Variants in TLN2 observed in about 807,000 individuals in gnomAD.
The protein encoded by TLN2 is talin-2.
A neutral mutation model predicts 294.7 loss-of-function variants in TLN2; 118 were observed. The observed-to-expected ratio is 0.40, with a 90% CI of 0.34 to 0.47. The LOEUF (loss-of-function observed/expected upper bound fraction) is 0.47. Ranked by LOEUF, TLN2 falls within the 20% of genes least tolerant of loss-of-function variation. The probability of loss-of-function intolerance (pLI) is 0.84; values close to 1 mark genes in which losing one functional copy is unlikely to be tolerated. For missense variants in TLN2, 3,083 were observed against 3,282.2 expected, an observed-to-expected ratio of 0.94 and a Z score of 1.48; for synonymous variants, 1,431 against 1,304.5, an observed-to-expected ratio of 1.10 and a Z score of -2.09.
intron 2 of TLN2, among the ~76,000 whole-genome samples, chr15:62,611,967 T>C (rs1301114378): frequency 6.6e-6 from 1 of 152,218 alleles, no homozygotes; most frequent in African/African-American, 2.4e-5. Context: ...GGTGTATAAT[T>C]ACTATATGAG....
chr15:62,404,281 A>G (rs1032258043), intron 1 of TLN2, among the ~76,000 whole-genome samples: 2 of 152,204 alleles, frequency 1.3e-5, no homozygotes, highest in African/African-American at 4.8e-5. Context: ...TGCAGTTCTC[A>G]TCTTTATCTC....
At chr15:62,504,993 G>C (rs984633749) in intron 1 of TLN2, among the ~76,000 whole-genome samples, 1 of 152,100 alleles carries the variant, frequency 6.6e-6, no homozygotes, top group African/African-American at 2.4e-5. Flanking sequence ...GTCTCACTCT[G>C]TTCCCCAGGC....
intron 52 of TLN2, among the ~76,000 whole-genome samples, chr15:62,818,279 T>C (rs2067274370): frequency 6.6e-6 from 1 of 152,244 alleles, no homozygotes; most frequent in African/African-American, 2.4e-5. Flanking sequence ...TGTGCAGAGA[T>C]AGACAGCAGT....
intron 1 of TLN2, among the ~76,000 whole-genome samples, chr15:62,462,314 G>A (rs2036854100): frequency 6.6e-6 from 1 of 152,126 alleles, no homozygotes; most frequent in Non-Finnish European, 1.5e-5. Context: ...ACCAGTGTGG[G>A]CTGCTTCACA....
At chr15:62,820,322 C>T (rs1351694304) in intron 53 of TLN2, among the ~76,000 whole-genome samples, 164 bp from the exon 54 acceptor site, 1 of 132,330 alleles carries the variant, frequency 7.6e-6, no homozygotes, top group African/African-American at 2.8e-5. Flanking sequence ...CCCCCCACCC[C>T]CATCCAGATG....
At chr15:62,554,977 T>A (rs1297141629) in intron 1 of TLN2, among the ~76,000 whole-genome samples, 3 of 125,830 alleles carry the variant, frequency 2.4e-5, no homozygotes, top group African/African-American at 3.4e-5. Flanking sequence ...TTGAAGTTTA[T>A]AAATTCTATT....
chr15:62,692,121 A>G (rs1403774073), intron 12 of TLN2, among the ~76,000 whole-genome samples: 1 of 152,078 alleles, frequency 6.6e-6, no homozygotes, highest in Non-Finnish European at 1.5e-5. Context: ...GCTATTCTGG[A>G]CTGATTTTTT....
intron 1 of TLN2, among the ~76,000 whole-genome samples, chr15:62,421,993 G>C (rs1404895138): frequency 6.6e-6 from 1 of 151,978 alleles, no homozygotes; most frequent in African/African-American, 2.4e-5. Flanking sequence ...AGGTGCAGTA[G>C]CTCACACCTG....
intron 1 of TLN2, among the ~76,000 whole-genome samples, chr15:62,445,920 G>A (rs1356996731): frequency 4.6e-5 from 7 of 152,022 alleles, no homozygotes; most frequent in Admixed American, 4.6e-4. Context: ...CAAAGTGCTG[G>A]GATTACAGGC....
At chr15:62,728,316 T>C (rs935187825) in intron 28 of TLN2, among the ~76,000 whole-genome samples, 5 of 152,256 alleles carry the variant, frequency 3.3e-5, no homozygotes, top group African/African-American at 1.2e-4. Flanking sequence ...GCTTCTTGCA[T>C]TTCCATTATC....
intron 1 of TLN2, among the ~76,000 whole-genome samples, chr15:62,503,110 A>G (rs2039396629): frequency 6.6e-6 from 1 of 152,336 alleles, no homozygotes. Flanking sequence ...ACTCTGCTAC[A>G]ACAGCGTCAA....
At chr15:62,779,848 T>C (rs376079315) in intron 43 of TLN2, among the ~76,000 whole-genome samples, 29 of 152,256 alleles carry the variant, frequency 1.9e-4, no homozygotes, top group African/African-American at 7.0e-4. Flanking sequence ...GTGAAAATTA[T>C]ATGCTGGGCT....
intron 1 of TLN2, among the ~76,000 whole-genome samples, chr15:62,566,003 T>C (rs979885073): frequency 2.6e-5 from 4 of 151,966 alleles, no homozygotes; most frequent in African/African-American, 9.7e-5. Flanking sequence ...GTCTTAGGGT[T>C]ATTGTGAGGA....
chr15:62,773,328 T>C (rs1264889218), intron 42 of TLN2, among the ~76,000 whole-genome samples: 2 of 152,008 alleles, frequency 1.3e-5, no homozygotes, highest in Middle Eastern at 3.4e-3. Flanking sequence ...AGCCTCTGCT[T>C]GAAAGTGGTG....
In TLN2 at chr15:62,844,098, C is replaced by G. The variant is rs1280675490; in HGVS notation, c.*3488C>G. ...CCCTCAGGCTAAAAGGCAGCGGTCC[C>G]CAGAGTTCAGAAAGCAAAAGATCTT... On this transcript the variant is annotated 3_prime_UTR_variant, in exon 59 of 59. Transcript: ENST00000636159. The G allele has an allele frequency of 6.6e-6, 1 of 152,282 alleles. No individual in the cohort carries two copies. Among genetic ancestry groups the G allele is most frequent in the African/African-American group, 2.4e-5 (1 of 41,426 alleles). 9.4% of individuals were successfully genotyped at this position (152,282 alleles called of 1,614,324 possible).
chr15:62,616,350 A>G (rs1265576827), intron 2 of TLN2, among the ~76,000 whole-genome samples: 1 of 152,206 alleles, frequency 6.6e-6, no homozygotes, highest in East Asian at 1.9e-4. Flanking sequence ...TTTTGGCTTT[A>G]TAAGTTGGTA....
intron 1 of TLN2, among the ~76,000 whole-genome samples, chr15:62,488,655 T>G (rs2038540255): frequency 6.6e-6 from 1 of 152,194 alleles, no homozygotes; most frequent in South Asian, 2.1e-4. Flanking sequence ...TGATGAAACA[T>G]AAACGGAAAG....
intron 1 of TLN2, among the ~76,000 whole-genome samples, chr15:62,433,637 C>T (rs2035136105): frequency 6.6e-6 from 1 of 151,894 alleles, no homozygotes; most frequent in Admixed American, 6.6e-5. Flanking sequence ...GTTTTTTTCC[C>T]CCAGATGGCC....
intron 51 of TLN2, among the ~76,000 whole-genome samples, chr15:62,806,968 T>A (rs1056044575): frequency 6.6e-6 from 1 of 151,988 alleles, no homozygotes; most frequent in African/African-American, 2.4e-5. Context: ...GAGGGGGTGA[T>A]GACGGAATTT....
Sources: gnomAD v4.1 joint callset for allele counts (sites outside exome capture counted in the v4.1 genomes callset) on GRCh38, gnomAD v4.1.1 for gene constraint, MANE v1.5 for transcripts, NCBI Gene and HGNC (gene_info 2026-07-23, HGNC 2026-07-21) for gene names.